Variants in APC2 observed in about 807,000 individuals in gnomAD.
The protein encoded by APC2 is adenomatous polyposis coli protein 2.
Under a neutral mutation model 72.5 loss-of-function variants are expected in APC2, and 41 were observed. That is an observed-to-expected ratio of 0.57 (90% CI 0.44 to 0.73). The LOEUF is 0.73. Ranked by LOEUF, APC2 falls within the 30% of genes least tolerant of loss-of-function variation. The probability of loss-of-function intolerance (pLI) is 0.00; values close to 1 mark genes in which losing one functional copy is unlikely to be tolerated. For synonymous variants in APC2, 1,898 were observed against 1,612.0 expected, an observed-to-expected ratio of 1.18 and a Z score of -4.25; for missense variants, 3,729 against 3,403.4, an observed-to-expected ratio of 1.10 and a Z score of -2.38.
At position 1,470,356 on chromosome 19, in the gene APC2, C is replaced by T; in HGVS notation, c.*143C>T. On this transcript the variant is annotated 3_prime_UTR_variant, in exon 15 of 15. Coordinates refer to ENST00000590469, the MANE Select transcript of APC2 (RefSeq NM_005883.3). Reference sequence around the variant, plus strand: ...AGCCCCACCACTCTCAGAACCCCCGCCCAGCGCACGGCGACCTCGCGCCTC... The same window carrying T: ...AGCCCCACCACTCTCAGAACCCCCGTCCAGCGCACGGCGACCTCGCGCCTC... 8.3e-7 allele frequency: 1 copy of T among 1,202,512 alleles called. No homozygotes were observed. The highest frequency in any genetic ancestry group is 1.7e-5 in the South Asian group (1 of 59,522). The allele number at this position is 1,202,512 out of a possible 1,614,324, so 74.5% of individuals were successfully genotyped here. A position where few individuals can be genotyped will look rare whatever the true frequency, so the allele number is the denominator to read the frequency against.
intron 6 of APC2, 116 bp downstream of exon 6, chr19:1,455,616 GGGTTGGGGGGCGCGGGTTCT>G: frequency 1.0e-6 from 1 of 1,004,770 alleles, no homozygotes; most frequent in Non-Finnish European, 1.5e-6. Context: ...TATGCCTCCT[GGGTTGGGGGGCGCGGGTTCT>G]GGTTCAGGAG....
chr19:1,456,512 C>G (rs193230687), intron 8 of APC2, 108 bp downstream of exon 8: 1 of 1,196,716 alleles, frequency 8.4e-7, no homozygotes, highest in African/African-American at 1.5e-5. Flanking sequence ...CATCCAGCAC[C>G]CCCTCGGGTG....
At chr19:1,455,054 T>A in intron 4 of APC2, 95 bp from the exon 5 acceptor site, 3 of 599,986 alleles carry the variant, frequency 5.0e-6, no homozygotes, top group Non-Finnish European at 7.6e-6. Flanking sequence ...CTGTTAACCT[T>A]GGCATACAGT....
Position 1,467,466 on chromosome 19 carries a change from T to C in APC2, c.4165T>C (p.Cys1389Arg). 1 of 1,467,440 alleles carries C rather than the reference T, an allele frequency of 6.8e-7. No individual in the cohort carries two copies. The highest frequency in any genetic ancestry group is 9.0e-7 in the Non-Finnish European group (1 of 1,112,294). 90.9% of individuals were successfully genotyped at this position (1,467,440 alleles called of 1,614,324 possible). A position where few individuals can be genotyped will look rare whatever the true frequency, so the allele number is the denominator to read the frequency against. Residue 1389 changes from cysteine to arginine, a missense_variant, in exon 15 of 15, where the codon TGC (cysteine) becomes CGC (arginine). Physicochemically the swap from Cys to Arg is radical, Grantham distance 180 (BLOSUM62 -3). Transcript: ENST00000590469. ...APAPAQEDDSCTDSAEGTPVN... is the reference protein window; with the variant it reads ...APAPAQEDDSRTDSAEGTPVN... ...GGCCCCGGCCCAGGAGGACGACTCC[T>C]GCACTGACTCCGCGGAGGGCACGCC...
At chr19:1,457,413 C>A in intron 9 of APC2, 170 bp downstream of exon 9, 1 of 975,478 alleles carries the variant, frequency 1.0e-6, no homozygotes, top group Non-Finnish European at 1.4e-6. Context: ...TGGGAAAAGA[C>A]CCGCCCATGA....
chr19:1,456,004 C>G, intron 6 of APC2, 72 bp from the exon 7 acceptor site: 2 of 1,425,344 alleles, frequency 1.4e-6, no homozygotes, highest in Non-Finnish European at 1.9e-6. Context: ...GTGGGGTCAT[C>G]CCAGGGAGAG....
In APC2 at chr19:1,465,814, C is replaced by A; in HGVS notation, c.2513C>A (p.Ala838Asp). 3 of 1,580,748 alleles carry A rather than the reference C, an allele frequency of 1.9e-6. No individual in the cohort carries two copies. Among genetic ancestry groups the A allele is most frequent in the South Asian group, 1.1e-5 (1 of 87,284 alleles). The change falls in exon 15 of 15, where the codon GCC becomes GAC. Residue 838 changes from alanine to aspartate, a missense_variant. By Grantham distance (126) the Ala-to-Asp change is moderately radical. Coordinates refer to ENST00000590469, the MANE Select transcript of APC2 (RefSeq NM_005883.3). Reference protein sequence around the residue: ...EAEKDTSGEAAVAAKAKAKLA... With the variant: ...EAEKDTSGEADVAAKAKAKLA... ...GAGAAGGACACCAGTGGGGAGGCAG[C>A]CGTGGCGGCCAAGGCCAAGGCCAAG...
At position 1,470,530 on chromosome 19, in the gene APC2, C is replaced by T. The variant is rs2084116652; in HGVS notation, c.*317C>T. ...TCCCCTGTCGGAAGCCGTTGCTTGA[C>T]CCCGGGCGAGGGAGGCGGTAGCCTC... On this transcript the variant is annotated 3_prime_UTR_variant, in exon 15 of 15. Transcript: ENST00000590469. The T allele has an allele frequency of 3.4e-6, 1 of 291,838 alleles. No individual in the cohort carries two copies. Among genetic ancestry groups the T allele is most frequent in the Non-Finnish European group, 6.4e-6 (1 of 156,550 alleles). 18.1% of individuals were successfully genotyped at this position (291,838 alleles called of 1,614,324 possible).
upstream of APC2, among the ~76,000 whole-genome samples, chr19:1,449,566 T>C (rs2083718302): frequency 6.6e-6 from 1 of 152,016 alleles, no homozygotes; most frequent in Non-Finnish European, 1.5e-5. Context: ...GATCTGACGC[T>C]CCGTTGGGGA....
At chr19:1,447,064 G>T (rs904966289), upstream of APC2, among the ~76,000 whole-genome samples, 1 of 152,194 alleles carries the variant, frequency 6.6e-6, no homozygotes, top group Admixed American at 6.5e-5. Context: ...CCGACTCGCC[G>T]CCGGGGAAAC....
intron 14 of APC2, among the ~76,000 whole-genome samples, chr19:1,464,340 T>C (rs111258469): frequency 0.015 from 2,305 of 151,848 alleles, 68 homozygotes; most frequent in African/African-American, 0.052. Context: ...AATAAAAATG[T>C]TGTTAAATAA....
intron 7 of APC2, 76 bp downstream of exon 7, chr19:1,456,229 C>G: frequency 6.5e-7 from 1 of 1,550,350 alleles, no homozygotes; most frequent in Non-Finnish European, 8.7e-7. Context: ...GTTCTGCCCG[C>G]CCCCGCCCAC....
chr19:1,453,742 G>A (rs545153321), intron 4 of APC2, 131 bp downstream of exon 4: 62 of 1,256,328 alleles, frequency 4.9e-5, no homozygotes, highest in Admixed American at 1.4e-4. Flanking sequence ...CTTGCATATG[G>A]CACTGCCCAC....
chr19:1,457,799 C>T (rs753008689), intron 9 of APC2, 166 bp from the exon 10 acceptor site: 1 of 647,900 alleles, frequency 1.5e-6, no homozygotes, highest in Non-Finnish European at 2.8e-6. Context: ...GAGGCCACCC[C>T]ATCATCCCAT....
At position 1,455,269 on chromosome 19, in the gene APC2, G is replaced by A; in HGVS notation, c.522+12G>A. ...CGCACGTGGAGACGGTGAGCCGGCC[G>A]GGGAGCCAGGGGGCAGCGCGCCCGC... On this transcript the variant is annotated intron_variant, in intron 5 of 14. Transcript: ENST00000590469. 1 of 1,562,112 alleles carries A rather than the reference G, an allele frequency of 6.4e-7. No homozygotes were observed. Among genetic ancestry groups the A allele is most frequent in the Non-Finnish European group, 8.6e-7 (1 of 1,158,510 alleles).
chr19:1,454,792 C>T (rs141891713), intron 4 of APC2, among the ~76,000 whole-genome samples: 2,464 of 152,280 alleles, frequency 0.016, 69 homozygotes, highest in African/African-American at 0.051. Flanking sequence ...TGGTCTCGAT[C>T]TCCTGACCTC....
Position 1,452,896 on chromosome 19 carries a change from G to A in APC2, c.-18-88G>A. On this transcript the variant is annotated intron_variant, in intron 1 of 14. Transcript: ENST00000590469. The surrounding 1 kb of genome is among the most constrained non-coding windows in gnomAD (Gnocchi z 5.1). Reference sequence around the variant, plus strand: ...CAACCCAGGATCAGGCAGGACGGCTGGGGCTTAGGTCAGGGGCCGTCTGTC... The same window carrying A: ...CAACCCAGGATCAGGCAGGACGGCTAGGGCTTAGGTCAGGGGCCGTCTGTC... 2.1e-6 allele frequency: 3 copies of A among 1,460,650 alleles called. No individual in the cohort carries two copies. The highest frequency in any genetic ancestry group is 1.8e-6 in the Non-Finnish European group (2 of 1,089,500). The allele number at this position is 1,460,650 out of a possible 1,614,324, so 90.5% of individuals were successfully genotyped here.
rs893880734 is a variant in APC2, at chr19:1,453,080, C to G, written c.79C>G (p.Gln27Glu). 5.6e-6 allele frequency: 9 copies of G among 1,610,010 alleles called. No individual in the cohort carries two copies. In the African/African-American group the frequency reaches 1.2e-4, roughly 22 times the overall value. The change falls in exon 2 of 15, where the codon CAG (glutamine) becomes GAG (glutamate). Residue 27 changes from glutamine (Q) to glutamate (E), a missense_variant. Transcript: ENST00000590469. ...ALKAENSHLR[Q>E]ELRDNSSHLS... ...GAAGGCTGAGAACAGCCACCTGAGG[C>G]AGGAGCTAAGGGACAACTCCAGCCA...
Position 1,469,352 on chromosome 19 carries a change from G to A in APC2, c.6051G>A (p.Ala2017=), listed in dbSNP as rs1393310756. ...RRSELSSAES[A]ASAPQGASPR... is the part of the protein sequence containing the mutation. ...CCGAGCTGTCCTCGGCCGAGTCCGC[G>A]GCCTCTGCCCCCCAGGGCGCCTCGC... The change falls in exon 15 of 15, where the codon GCG becomes GCA. Residue 2017 remains alanine, a synonymous_variant. Coordinates refer to ENST00000590469, the MANE Select transcript of APC2 (RefSeq NM_005883.3). The A allele has an allele frequency of 1.1e-5, 15 of 1,338,608 alleles. No individual in the cohort carries two copies. Among genetic ancestry groups the A allele is most frequent in the Admixed American group, 3.0e-5 (1 of 32,796 alleles). The allele number at this position is 1,338,608 out of a possible 1,614,324, so 82.9% of individuals were successfully genotyped here.
Sources: gnomAD v4.1 joint callset for allele counts (sites outside exome capture counted in the v4.1 genomes callset) on GRCh38, gnomAD v4.1.1 for gene constraint, Gnocchi (gnomAD v3.1) non-coding constraint, MANE v1.5 for transcripts, NCBI Gene and HGNC (gene_info 2026-07-23, HGNC 2026-07-21) for gene names.